Variants in CNTN5 observed in about 807,000 individuals in gnomAD.
CNTN5 encodes the protein contactin 5.
Under a neutral mutation model 129.1 loss-of-function variants are expected in CNTN5, and 77 were observed. The observed-to-expected ratio is 0.60, with a 90% CI of 0.50 to 0.72. The LOEUF (loss-of-function observed/expected upper bound fraction) is 0.72, where lower values mean the gene tolerates loss of function less well. Among genes scored for constraint, CNTN5 ranks in the 30% least tolerant of loss-of-function variants. The probability of loss-of-function intolerance (pLI) is 0.00; values close to 1 mark genes in which losing one functional copy is unlikely to be tolerated. For synonymous variants in CNTN5, 509 were observed against 465.6 expected, an observed-to-expected ratio of 1.09 and a Z score of -1.20; for missense variants, 1,478 against 1,328.8, an observed-to-expected ratio of 1.11 and a Z score of -1.75.
intron 13 of CNTN5, among the ~76,000 whole-genome samples, chr11:100,104,484 T>A (rs1484143157): frequency 6.6e-6 from 1 of 152,152 alleles, no homozygotes; most frequent in African/African-American, 2.4e-5. Context: ...ATAACTATCT[T>A]TTGTTGACTA....
At chr11:99,106,877 A>C (rs1867022652) in intron 1 of CNTN5, among the ~76,000 whole-genome samples, 1 of 152,134 alleles carries the variant, frequency 6.6e-6, no homozygotes, top group Non-Finnish European at 1.5e-5. Flanking sequence ...AGGTGTATAA[A>C]ATTGTTTAAT....
At chr11:100,336,301 G>A (rs1445189707) in intron 21 of CNTN5, among the ~76,000 whole-genome samples, 24 of 152,224 alleles carry the variant, frequency 1.6e-4, no homozygotes, top group Admixed American at 1.5e-3. Flanking sequence ...ATGAATATTT[G>A]CACGGCAGCA....
rs545786004 is a variant in CNTN5 at position 99,483,689 on chromosome 11, CG to C, written c.-70-72451del. ...CTGGTTGGCCAGGGTTGTGGGGTTG[CG>C]GGGGTGTGCTCTAATGACATTTTCC... On this transcript the variant is annotated intron_variant, in intron 2 of 24. Transcript: ENST00000524871. Among the ~76,000 whole-genome samples, 43 of 150,374 alleles carry C rather than the reference CG, an allele frequency of 2.9e-4. 1 individual carries two copies. The highest frequency in any genetic ancestry group is 1.0e-3 in the African/African-American group (43 of 40,954).
chr11:99,655,498 T>C (rs1280947224), intron 3 of CNTN5, among the ~76,000 whole-genome samples: 1 of 152,110 alleles, frequency 6.6e-6, no homozygotes, highest in African/African-American at 2.4e-5. Flanking sequence ...TTCAGGCTAG[T>C]TGTCTGTCCC....
intron 13 of CNTN5, among the ~76,000 whole-genome samples, chr11:100,082,705 GA>G (rs1347815090): frequency 6.6e-6 from 1 of 152,108 alleles, no homozygotes; most frequent in Non-Finnish European, 1.5e-5. Context: ...CATTTGAAGA[GA>G]AAATGTCTGC....
At chr11:99,787,397 A>C (rs1362194755) in intron 3 of CNTN5, among the ~76,000 whole-genome samples, 2 of 151,688 alleles carry the variant, frequency 1.3e-5, no homozygotes, top group Non-Finnish European at 2.9e-5. Flanking sequence ...TCTTTATTTA[A>C]AATATTTTTT....
chr11:99,421,997 CA>C (rs1259187790), intron 2 of CNTN5, among the ~76,000 whole-genome samples: 10 of 152,232 alleles, frequency 6.6e-5, no homozygotes, highest in African/African-American at 2.4e-4. Context: ...CAGGTGTGTT[CA>C]ATCTCTACTT....
intron 3 of CNTN5, among the ~76,000 whole-genome samples, chr11:99,583,667 G>A (rs545291922): frequency 9.8e-5 from 15 of 152,292 alleles, no homozygotes; most frequent in African/African-American, 1.7e-4. Context: ...TGTTAAGCCC[G>A]TTGGAAAAGT....
intron 18 of CNTN5, among the ~76,000 whole-genome samples, chr11:100,282,882 G>A (rs1178112159): frequency 6.6e-6 from 1 of 152,206 alleles, no homozygotes; most frequent in Non-Finnish European, 1.5e-5. Context: ...CAAGCCCACA[G>A]GTAGTACTGC....
intron 6 of CNTN5, among the ~76,000 whole-genome samples, chr11:99,865,135 T>A (rs934646582): frequency 5.3e-5 from 8 of 152,166 alleles, no homozygotes; most frequent in African/African-American, 1.9e-4. Context: ...AAGGTTTGCA[T>A]CAAATGTCAA....
At chr11:99,841,835 T>TATACAC (rs1470229516) in intron 4 of CNTN5, among the ~76,000 whole-genome samples, 1 of 144,202 alleles carries the variant, frequency 6.9e-6, no homozygotes, top group African/African-American at 2.6e-5. Flanking sequence ...TATATATATA[T>TATACAC]ACACACACAC....
chr11:99,765,833 A>G (rs928042945), intron 3 of CNTN5, among the ~76,000 whole-genome samples: 8 of 151,936 alleles, frequency 5.3e-5, no homozygotes, highest in East Asian at 1.9e-4. Context: ...TTTATAGTCA[A>G]TTAGATATGA....
At chr11:99,152,635 C>T (rs992596263) in intron 1 of CNTN5, among the ~76,000 whole-genome samples, 1 of 152,122 alleles carries the variant, frequency 6.6e-6, no homozygotes, top group African/African-American at 2.4e-5. Context: ...GCGCTTAGCC[C>T]GTTTACCTTC....
intron 2 of CNTN5, among the ~76,000 whole-genome samples, chr11:99,485,524 G>A (rs1591143948): frequency 2.6e-5 from 4 of 152,038 alleles, no homozygotes; most frequent in African/African-American, 9.7e-5. Context: ...GGTTGTACAT[G>A]TGTGAGGACA....
At chr11:99,468,716 T>C (rs1277451930) in intron 2 of CNTN5, among the ~76,000 whole-genome samples, 1 of 151,522 alleles carries the variant, frequency 6.6e-6, no homozygotes, top group South Asian at 2.1e-4. Context: ...GCTGCATTGA[T>C]GTTTATTGTT....
chr11:100,353,606 C>A (rs1952462587), intron 24 of CNTN5, among the ~76,000 whole-genome samples: 1 of 151,552 alleles, frequency 6.6e-6, no homozygotes, highest in Non-Finnish European at 1.5e-5. Context: ...ATTTATTAAG[C>A]ATGCACATAC....
At chr11:99,616,778 T>C (rs1352277323) in intron 3 of CNTN5, among the ~76,000 whole-genome samples, 1 of 152,128 alleles carries the variant, frequency 6.6e-6, no homozygotes, top group Non-Finnish European at 1.5e-5. Context: ...TCACAGAGGG[T>C]AGAGGCTGGA....
At chr11:100,233,712 A>T (rs1438619967) in intron 16 of CNTN5, among the ~76,000 whole-genome samples, 2 of 152,078 alleles carry the variant, frequency 1.3e-5, no homozygotes, top group South Asian at 2.1e-4. Flanking sequence ...GGGACTTCTT[A>T]TCTAGGTGCC....
chr11:99,383,261 T>C (rs922460553), intron 2 of CNTN5, among the ~76,000 whole-genome samples: 5 of 152,124 alleles, frequency 3.3e-5, no homozygotes, highest in African/African-American at 9.7e-5. Flanking sequence ...CTCAAAGAAA[T>C]AGGAAGAAAA....
Sources: gnomAD v4.1 joint callset for allele counts (sites outside exome capture counted in the v4.1 genomes callset) on GRCh38, gnomAD v4.1.1 for gene constraint, MANE v1.5 for transcripts, NCBI Gene and HGNC (gene_info 2026-07-23, HGNC 2026-07-21) for gene names.